The following LSAMP variants were observed in gnomAD, a reference collection of about 807,000 sequenced individuals.
LSAMP encodes limbic system-associated membrane protein.
LSAMP carries 7 observed loss-of-function variants against 38.6 expected under a neutral mutation model. The observed-to-expected ratio is 0.18, with a 90% CI of 0.10 to 0.34. LSAMP has a LOEUF of 0.34. Ranked by LOEUF, LSAMP falls within the 10% of genes least tolerant of loss-of-function variation. The probability of loss-of-function intolerance (pLI) is 1.00; values close to 1 mark genes in which losing one functional copy is unlikely to be tolerated. For missense variants in LSAMP, 313 were observed against 420.0 expected, an observed-to-expected ratio of 0.75 and a Z score of 2.23; for synonymous variants, 154 against 166.8, an observed-to-expected ratio of 0.92 and a Z score of 0.59.
At chr3:115,965,605 AG>A (rs1233346389) in intron 3 of LSAMP, among the ~76,000 whole-genome samples, 3 of 138,618 alleles carry the variant, frequency 2.2e-5, no homozygotes, top group African/African-American at 8.8e-5. Flanking sequence ...TTTGTATTTT[AG>A]GTTTTTTTTT....
At chr3:116,016,313 G>C (rs1489174187) in intron 3 of LSAMP, among the ~76,000 whole-genome samples, 6 of 152,188 alleles carry the variant, frequency 3.9e-5, no homozygotes, top group Non-Finnish European at 8.8e-5. Flanking sequence ...ACATGTGAAA[G>C]AAATGAAAGA....
At chr3:116,301,657 G>A (rs1393282267) in intron 1 of LSAMP, among the ~76,000 whole-genome samples, 1 of 152,008 alleles carries the variant, frequency 6.6e-6, no homozygotes, top group Non-Finnish European at 1.5e-5. Flanking sequence ...ATATAACTGG[G>A]CCCCATTTCT....
At chr3:115,984,223 GA>G (rs112437748) in intron 3 of LSAMP, among the ~76,000 whole-genome samples, 1,531 of 148,168 alleles carry the variant, frequency 0.01, 11 homozygotes, top group African/African-American at 0.015. Flanking sequence ...TATTCACAAA[GA>G]AAAAAAAAAT....
At chr3:116,393,624 C>T (rs2048731022) in intron 1 of LSAMP, among the ~76,000 whole-genome samples, 1 of 152,140 alleles carries the variant, frequency 6.6e-6, no homozygotes, top group Admixed American at 6.5e-5. Flanking sequence ...GCAAAGACAC[C>T]ACTAACCACA....
chr3:115,892,521 G>C (rs1196908601), intron 3 of LSAMP, among the ~76,000 whole-genome samples: 3 of 152,040 alleles, frequency 2.0e-5, no homozygotes, highest in South Asian at 4.1e-4. Flanking sequence ...CTTATGTCAA[G>C]TACAAAAGCA....
chr3:116,016,397 A>G (rs754037694), intron 3 of LSAMP, among the ~76,000 whole-genome samples: 7 of 152,218 alleles, frequency 4.6e-5, no homozygotes, highest in Non-Finnish European at 8.8e-5. Flanking sequence ...CTAGTTTTGC[A>G]TGTGCCAGAA....
chr3:115,807,693 A>C lies in LSAMP; in HGVS notation c.*2624T>G, dbSNP rs1314078584. Reference sequence around the variant, plus strand: ...TTAGCATGCGCTTTTCTAAAGCCACACACTTAAGTGTGTGACTGCCTCTTC... The same window carrying C: ...TTAGCATGCGCTTTTCTAAAGCCACCCACTTAAGTGTGTGACTGCCTCTTC... On this transcript the variant is annotated 3_prime_UTR_variant, in exon 7 of 7. Transcript: ENST00000490035. 1 of 152,172 alleles carries C rather than the reference A, an allele frequency of 6.6e-6. No homozygotes were observed. Among genetic ancestry groups the C allele is most frequent in the Non-Finnish European group, 1.5e-5 (1 of 68,028 alleles). 9.4% of individuals were successfully genotyped at this position (152,172 alleles called of 1,614,324 possible). A position where few individuals can be genotyped will look rare whatever the true frequency, so the allele number is the denominator to read the frequency against.
At chr3:116,068,862 G>A (rs1707526237) in intron 2 of LSAMP, among the ~76,000 whole-genome samples, 1 of 152,178 alleles carries the variant, frequency 6.6e-6, no homozygotes, top group Admixed American at 6.5e-5. Flanking sequence ...CACTAGTAGA[G>A]GAAATAAGGT....
At chr3:116,021,162 T>C (rs539783932) in intron 2 of LSAMP, among the ~76,000 whole-genome samples, 1 of 152,294 alleles carries the variant, frequency 6.6e-6, no homozygotes, top group Non-Finnish European at 1.5e-5. Flanking sequence ...CAGACTGTAG[T>C]TGATTCCAAA....
intron 3 of LSAMP, among the ~76,000 whole-genome samples, chr3:115,899,449 C>A (rs1021712457): frequency 6.6e-6 from 1 of 152,012 alleles, no homozygotes; most frequent in African/African-American, 2.4e-5. Flanking sequence ...AGTCTACTTT[C>A]CTTGGTGAAT....
At chr3:116,430,112 A>T (rs2049261517) in intron 1 of LSAMP, among the ~76,000 whole-genome samples, 1 of 152,178 alleles carries the variant, frequency 6.6e-6, no homozygotes, top group African/African-American at 2.4e-5. Flanking sequence ...TGTTAAAAGT[A>T]ACTCTCTGAG....
At chr3:116,203,833 C>T (rs1257479640) in intron 1 of LSAMP, among the ~76,000 whole-genome samples, 2 of 152,044 alleles carry the variant, frequency 1.3e-5, no homozygotes, top group Admixed American at 1.3e-4. Flanking sequence ...CAACTCTTTG[C>T]TATTGTGAAT....
At chr3:116,442,852 C>A (rs544115389) in intron 1 of LSAMP, among the ~76,000 whole-genome samples, 2 of 152,096 alleles carry the variant, frequency 1.3e-5, no homozygotes, top group African/African-American at 4.8e-5. Context: ...GTTTCTATTG[C>A]GCCATAGACA....
chr3:115,827,404 T>A (rs1033958511), intron 6 of LSAMP, among the ~76,000 whole-genome samples: 3 of 151,828 alleles, frequency 2.0e-5, no homozygotes, highest in Non-Finnish European at 4.4e-5. Context: ...TTTTAGGCAG[T>A]TAAAAAGGTC....
intron 1 of LSAMP, among the ~76,000 whole-genome samples, chr3:116,317,054 A>G (rs1250905295): frequency 1.3e-5 from 2 of 152,130 alleles, no homozygotes; most frequent in Admixed American, 1.3e-4. Context: ...TGGACCCATC[A>G]GCACTCTGTA....
intron 3 of LSAMP, among the ~76,000 whole-genome samples, chr3:115,921,334 A>G (rs1937377350): frequency 6.6e-6 from 1 of 150,722 alleles, no homozygotes; most frequent in Non-Finnish European, 1.5e-5. Context: ...TTCTTTTCTC[A>G]TTTTCCTTTG....
At chr3:116,321,309 G>T (rs561265190) in intron 1 of LSAMP, among the ~76,000 whole-genome samples, 101 of 152,192 alleles carry the variant, frequency 6.6e-4, no homozygotes, top group African/African-American at 2.3e-3. Flanking sequence ...GGAAGTTGAG[G>T]CTTCAGTAAG....
intron 1 of LSAMP, among the ~76,000 whole-genome samples, chr3:116,202,320 G>C (rs1301766737): frequency 6.6e-6 from 1 of 152,018 alleles, no homozygotes; most frequent in African/African-American, 2.4e-5. Flanking sequence ...ATTTAGTAGA[G>C]ACGGGGTTTC....
At chr3:116,162,727 AGAGT>A (rs1390156687) in intron 1 of LSAMP, among the ~76,000 whole-genome samples, 4 of 149,220 alleles carry the variant, frequency 2.7e-5, no homozygotes, top group African/African-American at 7.5e-5. Context: ...AAAGTGTGTG[AGAGT>A]GTGTGTGTAT....
Sources: allele counts gnomAD v4.1 joint callset (sites outside exome capture counted in the v4.1 genomes callset), GRCh38; gene constraint gnomAD v4.1.1; transcripts MANE v1.5; gene names NCBI Gene and HGNC (gene_info 2026-07-23, HGNC 2026-07-21).